LONP2: variants seen among roughly 807,000 people sequenced by gnomAD.
The protein encoded by LONP2 is lon peptidase 2, peroxisomal.
A neutral mutation model predicts 85.6 loss-of-function variants in LONP2; 60 were observed. The ratio of observed to expected loss-of-function variants is 0.70; its 90% confidence interval spans 0.57 to 0.87. The LOEUF (loss-of-function observed/expected upper bound fraction) is 0.87. Among genes scored for constraint, LONP2 ranks in the 40% least tolerant of loss-of-function variants. The pLI is 0.00. For missense variants in LONP2, 860 were observed against 1,063.5 expected (o/e 0.81, Z 2.66); for synonymous variants, 395 against 389.7 (o/e 1.01, Z -0.16).
At chr16:48,324,728 A>T (rs1826088786) in intron 11 of LONP2, among the ~76,000 whole-genome samples, 1 of 152,174 alleles carries the variant, frequency 6.6e-6, no homozygotes, top group Admixed American at 6.5e-5. Context: ...GACGAATGGT[A>T]TGGGAGAGTG....
At chr16:48,329,362 G>A (rs1959363324) in intron 11 of LONP2, among the ~76,000 whole-genome samples, 1 of 152,152 alleles carries the variant, frequency 6.6e-6, no homozygotes, top group South Asian at 2.1e-4. Context: ...GCATATCCAT[G>A]CTGTATGACT....
chr16:48,270,328 A>G, intron 7 of LONP2, 54 bp downstream of exon 7: 3 of 1,582,940 alleles, frequency 1.9e-6, no homozygotes, highest in Non-Finnish European at 2.6e-6. Context: ...TTAATTGACT[A>G]GAGCTCCCTA....
chr16:48,334,541 G>C, intron 12 of LONP2, 183 bp downstream of exon 12: 1 of 737,102 alleles, frequency 1.4e-6, no homozygotes, highest in Non-Finnish European at 2.4e-6. Flanking sequence ...GACTGCATGG[G>C]GGCGCAGGCG....
intron 11 of LONP2, among the ~76,000 whole-genome samples, chr16:48,303,891 C>T (rs1396484102): frequency 6.6e-6 from 1 of 152,188 alleles, no homozygotes; most frequent in Admixed American, 6.5e-5. Flanking sequence ...CTGATCCTTC[C>T]AGCTTCTTTT....
At chr16:48,272,049 C>G (rs1320133467) in intron 7 of LONP2, among the ~76,000 whole-genome samples, 1 of 152,144 alleles carries the variant, frequency 6.6e-6, no homozygotes, top group Non-Finnish European at 1.5e-5. Context: ...ACATCATAAG[C>G]ACGTGACATG....
chr16:48,325,729 C>A (rs1973355902), intron 11 of LONP2, among the ~76,000 whole-genome samples: 1 of 152,188 alleles, frequency 6.6e-6, no homozygotes, highest in South Asian at 2.1e-4. Flanking sequence ...CATGGAAGTG[C>A]AGATACCCCT....
At chr16:48,253,558 G>C (rs894844130) in intron 2 of LONP2, among the ~76,000 whole-genome samples, 1 of 152,060 alleles carries the variant, frequency 6.6e-6, no homozygotes, top group Non-Finnish European at 1.5e-5. Flanking sequence ...ATTTCAGTTT[G>C]AAAACTGGAA....
rs564948645 is a variant in LONP2 at position 48,331,748 on chromosome 16, T to C, written c.1796-2468T>C. Among the ~76,000 whole-genome samples, 7 of 152,204 alleles carry C rather than the reference T, an allele frequency of 4.6e-5. No homozygotes were observed. The East Asian group carries it at 1.2e-3, about 25-fold the overall frequency. On this transcript the variant is annotated intron_variant, in intron 11 of 14. Coordinates refer to ENST00000285737, the MANE Select transcript of LONP2 (RefSeq NM_031490.5). ...CCCAGCTAATTTTTTGTATTTTTAG[T>C]AGAGACGGGGTTTCACTGTGTTAGC...
At chr16:48,303,966 C>G (rs1972861507) in intron 11 of LONP2, among the ~76,000 whole-genome samples, 2 of 152,180 alleles carry the variant, frequency 1.3e-5, no homozygotes, top group East Asian at 3.9e-4. Flanking sequence ...GAGGGTGGGT[C>G]TGCCTCTCCT....
chr16:48,341,883 C>T (rs946794178), intron 12 of LONP2, among the ~76,000 whole-genome samples: 2 of 152,158 alleles, frequency 1.3e-5, no homozygotes, highest in Non-Finnish European at 2.9e-5. Flanking sequence ...AGAACTGCCC[C>T]GAATCCGAGG....
intron 11 of LONP2, among the ~76,000 whole-genome samples, chr16:48,322,423 CT>C (rs1973285295): frequency 6.6e-6 from 1 of 152,226 alleles, no homozygotes; most frequent in Non-Finnish European, 1.5e-5. Context: ...TTCAGTTTCA[CT>C]GTCTTCCACT....
chr16:48,337,334 C>G lies in LONP2; in HGVS notation c.1938+2976C>G, dbSNP rs958987846. Among the ~76,000 whole-genome samples, 6 of 152,184 alleles carry G rather than the reference C, an allele frequency of 3.9e-5. No individual in the cohort carries two copies. The East Asian group carries it at 9.6e-4, about 24-fold the overall frequency. On this transcript the variant is annotated intron_variant, in intron 12 of 14. Coordinates refer to ENST00000285737, the MANE Select transcript of LONP2 (RefSeq NM_031490.5). Reference sequence around the variant, plus strand: ...ATTCTCATTCATATTCTTACCAACTCTGTTGCTCTGTTTTGGAATGGGAGA... The same window carrying G: ...ATTCTCATTCATATTCTTACCAACTGTGTTGCTCTGTTTTGGAATGGGAGA...
intron 10 of LONP2, among the ~76,000 whole-genome samples, chr16:48,300,344 A>G (rs1972777476): frequency 1.3e-5 from 2 of 152,202 alleles, no homozygotes; most frequent in South Asian, 2.1e-4. Flanking sequence ...TTTACTACCA[A>G]ATGCTTAAGC....
chr16:48,270,114 C>T lies in LONP2; in HGVS notation c.1081C>T (p.Gln361Ter), dbSNP rs746166571. ...KRVLEYLAVR[Q>*]LKNNLKGPIL... ...AGTACTGGAATACTTGGCTGTCAGACAGCTCAAAAATAACCTGAAGGGCCC... is the reference window on the plus strand; with the variant it reads ...AGTACTGGAATACTTGGCTGTCAGATAGCTCAAAAATAACCTGAAGGGCCC... Residue 361 changes from glutamine (Q) to a stop codon, truncating the protein, a stop_gained, in exon 7 of 15, where the codon CAG (glutamine) becomes TAG (stop). Transcript: ENST00000285737. LOFTEE classifies it high-confidence loss of function. The T allele has an allele frequency of 1.2e-6, 2 of 1,613,986 alleles. No homozygotes were observed. Among genetic ancestry groups the T allele is most frequent in the African/African-American group, 1.3e-5 (1 of 75,000 alleles).
chr16:48,320,300 TTTTCAGTATTTAAAGTCTTG>T (rs1196210955), intron 11 of LONP2, among the ~76,000 whole-genome samples: 1 of 152,152 alleles, frequency 6.6e-6, no homozygotes, highest in East Asian at 1.9e-4. Flanking sequence ...CGGTTTTGCA[TTTTCAGTATTTAAAGTCTTG>T]TTTCATCTTG....
chr16:48,289,461 A>G (rs200144507), intron 8 of LONP2, among the ~76,000 whole-genome samples: 3 of 152,186 alleles, frequency 2.0e-5, no homozygotes, highest in Admixed American at 6.5e-5. Flanking sequence ...AAAGGGGGCA[A>G]TCAGGTTTAC....
At chr16:48,304,593 A>G (rs1036255618) in intron 11 of LONP2, among the ~76,000 whole-genome samples, 2 of 151,922 alleles carry the variant, frequency 1.3e-5, no homozygotes, top group Non-Finnish European at 2.9e-5. Context: ...AGTCCCCGCT[A>G]CTCTGGAGGT....
At chr16:48,274,396 G>A (rs375360339) in intron 7 of LONP2, among the ~76,000 whole-genome samples, 1 of 151,866 alleles carries the variant, frequency 6.6e-6, no homozygotes, top group African/African-American at 2.4e-5. Flanking sequence ...TGTGGTGAGC[G>A]CTCTCTGGGT....
intron 12 of LONP2, chr16:48,343,683 C>T (rs904720768): frequency 6.6e-6 from 1 of 150,754 alleles, no homozygotes; most frequent in Non-Finnish European, 1.5e-5. Context: ...GGGTGACGAG[C>T]GAAACTCAGT....
Sources: allele counts gnomAD v4.1 joint callset (sites outside exome capture counted in the v4.1 genomes callset), GRCh38; gene constraint gnomAD v4.1.1; transcripts MANE v1.5; gene names NCBI Gene and HGNC (gene_info 2026-07-23, HGNC 2026-07-21).